The following SULF1 variants were observed in gnomAD, a reference collection of about 807,000 sequenced individuals.
SULF1 encodes the protein extracellular sulfatase Sulf-1.
Under a neutral mutation model 110.5 loss-of-function variants are expected in SULF1, and 46 were observed. The observed-to-expected ratio is 0.42, with a 90% CI of 0.33 to 0.53. The LOEUF is 0.53. SULF1 is among the 20% of genes least tolerant of loss of function. The pLI, the probability that SULF1 is intolerant of heterozygous loss-of-function variation, is 0.12. For synonymous variants in SULF1, 371 were observed against 387.1 expected (o/e 0.96, Z 0.49); for missense variants, 941 against 1,094.2 (o/e 0.86, Z 1.98).
chr8:69,601,872 A>G, intron 10 of SULF1, 43 bp downstream of exon 10: 2 of 1,549,456 alleles, frequency 1.3e-6, no homozygotes, highest in Non-Finnish European at 1.7e-6. Context: ...TCGTACCTCA[A>G]GTGTGTCTAA....
chr8:69,540,117 G>A lies in SULF1; in HGVS notation c.-133-23422G>A, dbSNP rs563318764. Reference sequence around the variant, plus strand: ...AGTATTTTGATGATAAAATCAGCAGGATAGGGGATTAATCAGATCTCATGA... The same window carrying A: ...AGTATTTTGATGATAAAATCAGCAGAATAGGGGATTAATCAGATCTCATGA... On this transcript the variant is annotated intron_variant, in intron 3 of 22. Coordinates refer to ENST00000402687, the MANE Select transcript of SULF1 (RefSeq NM_001128205.2). Among the ~76,000 whole-genome samples the A allele has an allele frequency of 3.5e-4, 54 of 152,324 alleles. 1 individual carries two copies. The highest frequency in any genetic ancestry group is 1.2e-3 in the African/African-American group (49 of 41,574).
intron 2 of SULF1, among the ~76,000 whole-genome samples, chr8:69,498,576 G>C (rs954452753): frequency 6.6e-6 from 1 of 152,182 alleles, no homozygotes; most frequent in Non-Finnish European, 1.5e-5. Context: ...AGGCCATAGA[G>C]ACGGTAAACT....
chr8:69,486,400 T>C (rs1809712916), intron 1 of SULF1, among the ~76,000 whole-genome samples: 1 of 149,454 alleles, frequency 6.7e-6, no homozygotes, highest in Non-Finnish European at 1.5e-5. Flanking sequence ...ATGCGTTTTC[T>C]CAAAAGAAAG....
chr8:69,470,140 G>A (rs1376024187), intron 1 of SULF1, among the ~76,000 whole-genome samples: 1 of 152,168 alleles, frequency 6.6e-6, no homozygotes, highest in East Asian at 1.9e-4. Flanking sequence ...GCCAACCAAA[G>A]AGTCAGCTCA....
chr8:69,513,448 A>G (rs1811711879), intron 3 of SULF1, among the ~76,000 whole-genome samples: 1 of 152,246 alleles, frequency 6.6e-6, no homozygotes, highest in Non-Finnish European at 1.5e-5. Context: ...TGAATGAATA[A>G]TCCCCAAAGC....
At chr8:69,515,191 G>A (rs560360920) in intron 3 of SULF1, among the ~76,000 whole-genome samples, 1 of 152,204 alleles carries the variant, frequency 6.6e-6, no homozygotes, top group Non-Finnish European at 1.5e-5. Flanking sequence ...CACTCCTGCA[G>A]CAGACTTCTG....
Position 69,647,999 on chromosome 8 carries a change from C to T in SULF1, c.2585+7158C>T, listed in dbSNP as rs935739784. Among the ~76,000 whole-genome samples, 7 of 151,148 alleles carry T rather than the reference C, an allele frequency of 4.6e-5. 1 individual carries two copies. Among genetic ancestry groups the T allele is most frequent in the East Asian group, 3.9e-4 (2 of 5,090 alleles). On this transcript the variant is annotated intron_variant, in intron 22 of 22. Coordinates refer to ENST00000402687, the MANE Select transcript of SULF1 (RefSeq NM_001128205.2). ...AATTTGCTTTTGGATACTAGCAGGA[C>T]GCCAAAATCAGAACCTCTGAAATTT...
At chr8:69,486,327 A>ATTT (rs1289047061) in intron 1 of SULF1, among the ~76,000 whole-genome samples, 6 of 152,104 alleles carry the variant, frequency 3.9e-5, no homozygotes, top group African/African-American at 1.2e-4. Context: ...TTTTTTAAAA[A>ATTT]AAAAAAATCA....
chr8:69,553,145 A>G (rs1317038965), intron 3 of SULF1, among the ~76,000 whole-genome samples: 1 of 152,234 alleles, frequency 6.6e-6, no homozygotes, highest in Non-Finnish European at 1.5e-5. Context: ...TTTCTCATAT[A>G]TGATCTCTTC....
At chr8:69,652,437 A>G (rs1472127444) in intron 22 of SULF1, among the ~76,000 whole-genome samples, 2 of 152,202 alleles carry the variant, frequency 1.3e-5, no homozygotes, top group African/African-American at 2.4e-5. Flanking sequence ...AGAACAGTCT[A>G]TTAGTATTCT....
intron 19 of SULF1, among the ~76,000 whole-genome samples, chr8:69,631,649 T>A (rs916603053): frequency 1.3e-5 from 2 of 152,272 alleles, no homozygotes; most frequent in Non-Finnish European, 2.9e-5. Context: ...TGCCTCCTGT[T>A]CTTGCCTGCT....
At chr8:69,504,948 T>G (rs1811077297) in intron 3 of SULF1, among the ~76,000 whole-genome samples, 1 of 152,238 alleles carries the variant, frequency 6.6e-6, no homozygotes, top group Non-Finnish European at 1.5e-5. Flanking sequence ...AATGCTGCCC[T>G]GTGCATTTTT....
chr8:69,557,321 C>T (rs1815180366), intron 3 of SULF1, among the ~76,000 whole-genome samples: 1 of 152,168 alleles, frequency 6.6e-6, no homozygotes, highest in Admixed American at 6.5e-5. Flanking sequence ...ATACTGAGTT[C>T]TTCTGGTGGT....
upstream of SULF1, among the ~76,000 whole-genome samples, chr8:69,490,438 A>T (rs904389871): frequency 2.0e-5 from 3 of 151,594 alleles, no homozygotes; most frequent in South Asian, 2.1e-4. Context: ...GAGTTTAAAA[A>T]TTTTTTTTTA....
intron 19 of SULF1, among the ~76,000 whole-genome samples, chr8:69,630,898 A>G (rs113311923): frequency 0.044 from 6,730 of 152,130 alleles, 484 homozygotes; most frequent in African/African-American, 0.15. Flanking sequence ...TACATGTGCC[A>G]TGCTGGTGTG....
chr8:69,563,963 T>C lies in SULF1; in HGVS notation c.-13T>C. 6.2e-7 allele frequency: 1 copy of C among 1,612,224 alleles called. No homozygotes were observed. Among genetic ancestry groups the C allele is most frequent in the South Asian group, 1.1e-5 (1 of 91,024 alleles). On this transcript the variant is annotated 5_prime_UTR_variant, in exon 5 of 23. Transcript: ENST00000402687. ...AGACATTTTGTCAGTTTTGCAACATTGGACCAAATACAATGAAGTATTCTT... is the reference window on the plus strand; with the variant it reads ...AGACATTTTGTCAGTTTTGCAACATCGGACCAAATACAATGAAGTATTCTT...
At chr8:69,603,043 C>A in intron 10 of SULF1, 149 bp from the exon 11 acceptor site, 1 of 1,111,964 alleles carries the variant, frequency 9.0e-7, no homozygotes. Context: ...ACACACCCAC[C>A]CTTGCCACAC....
intron 13 of SULF1, 35 bp downstream of exon 13, chr8:69,604,967 G>A: frequency 1.9e-6 from 3 of 1,604,508 alleles, no homozygotes; most frequent in Non-Finnish European, 2.5e-6. Context: ...CACCACTCAT[G>A]TGCTTCTCCA....
intron 1 of SULF1, 103 bp from the exon 2 acceptor site, chr8:69,495,653 TTCAGAAATG>T (rs1346380911): frequency 2.6e-5 from 4 of 152,218 alleles, no homozygotes; most frequent in Non-Finnish European, 4.4e-5. Flanking sequence ...CTTCAGAGAC[TTCAGAAATG>T]AGCAGAGACT....
Sources: allele counts gnomAD v4.1 joint callset (sites outside exome capture counted in the v4.1 genomes callset), GRCh38; gene constraint gnomAD v4.1.1; transcripts MANE v1.5; gene names NCBI Gene and HGNC (gene_info 2026-07-23, HGNC 2026-07-21).